SMIM35: variants seen among roughly 807,000 people sequenced by gnomAD.
SMIM35 encodes TMPRSS4 antisense RNA 1 (non-protein coding).
intron 1 of SMIM35, among the ~76,000 whole-genome samples, chr11:118,016,911 T>C (rs190769115): frequency 1.3e-5 from 2 of 152,332 alleles, no homozygotes; most frequent in Admixed American, 1.3e-4. Flanking sequence ...ATTTTTTAAG[T>C]ATTTCACAAT....
At chr11:118,066,216 C>T (rs1217157085) in intron 1 of SMIM35, among the ~76,000 whole-genome samples, 3 of 152,128 alleles carry the variant, frequency 2.0e-5, no homozygotes, top group South Asian at 2.1e-4. Context: ...CCCCCAGACA[C>T]CTGGAAATAC....
At position 118,019,361 on chromosome 11, in the gene SMIM35, G is replaced by A. The variant is rs188444875; in HGVS notation, c.8-3552C>T. 1.4e-4 allele frequency among the ~76,000 whole-genome samples: 21 copies of A among 152,278 alleles called. No individual in the cohort carries two copies. The East Asian group carries it at 3.5e-3, about 25-fold the overall frequency. ...TCTAGGATTGCCTGGCTTATTGCCT[G>A]GGTGAGTTCCCCGAGTTCCAGCACA... On this transcript the variant is annotated intron_variant, in intron 1 of 4. Coordinates refer to ENST00000689828, the MANE Select transcript of SMIM35 (RefSeq NM_001394165.1).
At chr11:118,065,404 G>A (rs1944457210) in intron 1 of SMIM35, among the ~76,000 whole-genome samples, 2 of 152,326 alleles carry the variant, frequency 1.3e-5, no homozygotes, top group South Asian at 4.1e-4. Flanking sequence ...ATAGGGCCTG[G>A]AGGCAGGGAA....
intron 1 of SMIM35, among the ~76,000 whole-genome samples, chr11:118,061,716 G>A (rs1294320840): frequency 6.6e-6 from 1 of 152,114 alleles, no homozygotes; most frequent in East Asian, 1.9e-4. Flanking sequence ...CGATTAGCTT[G>A]GATCTACGGG....
chr11:118,028,921 G>T, intron 1 of SMIM35: 1 of 381,324 alleles, frequency 2.6e-6, no homozygotes, highest in Admixed American at 3.1e-5. Flanking sequence ...GAGGAGGAGG[G>T]GAAAAATAAG....
At position 118,074,188 on chromosome 11, in the gene SMIM35, C is replaced by T. The variant is rs578169254; in HGVS notation, c.7+12563G>A. Among the ~76,000 whole-genome samples, 83 of 152,288 alleles carry T rather than the reference C, an allele frequency of 5.5e-4. 1 individual carries two copies. Among genetic ancestry groups the T allele is most frequent in the African/African-American group, 1.8e-3 (74 of 41,560 alleles). On this transcript the variant is annotated intron_variant, in intron 1 of 4. Coordinates refer to ENST00000689828, the MANE Select transcript of SMIM35 (RefSeq NM_001394165.1). The stretch of plus-strand genomic sequence containing the variant: ...CCTTTCCCAGGGCCCTGGAAGGAAC[C>T]GTGCAAGTGAGGGGCTCTGAAGCTT...
intron 1 of SMIM35, among the ~76,000 whole-genome samples, chr11:118,040,606 A>T (rs961974244): frequency 3.3e-5 from 5 of 152,224 alleles, no homozygotes; most frequent in Non-Finnish European, 7.3e-5. Flanking sequence ...GACATCCATC[A>T]GGCTAAAAGC....
chr11:118,009,864 G>A (rs2058141585), intron 4 of SMIM35, among the ~76,000 whole-genome samples: 1 of 152,130 alleles, frequency 6.6e-6, no homozygotes, highest in Non-Finnish European at 1.5e-5. Context: ...AGTAGCCCAT[G>A]ACCACACAGC....
At chr11:118,078,564 G>A (rs1944874011) in intron 1 of SMIM35, among the ~76,000 whole-genome samples, 1 of 152,142 alleles carries the variant, frequency 6.6e-6, no homozygotes, top group South Asian at 2.1e-4. Context: ...CCCATCCAAG[G>A]AGGCGCCCCA....
intron 1 of SMIM35, among the ~76,000 whole-genome samples, chr11:118,077,971 C>T (rs1237455247): frequency 7.7e-6 from 1 of 130,470 alleles, no homozygotes. Context: ...CAAGATTGTG[C>T]CATTGCACTC....
chr11:118,043,924 T>C (rs190246332), intron 1 of SMIM35, among the ~76,000 whole-genome samples: 49 of 151,762 alleles, frequency 3.2e-4, no homozygotes, highest in African/African-American at 1.2e-3. Flanking sequence ...ATGAAAATGT[T>C]CTAAAATTGA....
intron 1 of SMIM35, among the ~76,000 whole-genome samples, chr11:118,024,487 G>T (rs1483276296): frequency 6.6e-6 from 1 of 151,962 alleles, no homozygotes; most frequent in Non-Finnish European, 1.5e-5. Flanking sequence ...GTTTTGTTTT[G>T]TTTTTGGCAG....
intron 1 of SMIM35, among the ~76,000 whole-genome samples, chr11:118,061,294 T>G (rs1015340028): frequency 2.0e-5 from 3 of 152,250 alleles, no homozygotes; most frequent in African/African-American, 7.2e-5. Flanking sequence ...TGAGAGTGTT[T>G]CCCTGTAGGT....
intron 1 of SMIM35, among the ~76,000 whole-genome samples, chr11:118,046,904 G>A (rs1944106089): frequency 6.6e-6 from 1 of 152,174 alleles, no homozygotes; most frequent in South Asian, 2.1e-4. Context: ...GAGTCATACT[G>A]AACATACTTA....
intron 1 of SMIM35, among the ~76,000 whole-genome samples, chr11:118,071,522 C>A (rs1300463369): frequency 6.6e-6 from 1 of 152,204 alleles, no homozygotes; most frequent in Non-Finnish European, 1.5e-5. Flanking sequence ...CGCTGCATTC[C>A]AGAGCTGCTT....
At chr11:118,020,905 T>C (rs1386510205) in intron 1 of SMIM35, among the ~76,000 whole-genome samples, 1 of 152,214 alleles carries the variant, frequency 6.6e-6, no homozygotes, top group South Asian at 2.1e-4. Flanking sequence ...TAAGCATCAC[T>C]TTAGCTTCAT....
chr11:118,034,735 G>C (rs1591288664), intron 1 of SMIM35, among the ~76,000 whole-genome samples: 2 of 152,160 alleles, frequency 1.3e-5, no homozygotes. Flanking sequence ...TGTCCACAAT[G>C]TGAAGGGTGA....
chr11:118,066,474 G>T (rs1013053753), intron 1 of SMIM35, among the ~76,000 whole-genome samples: 10 of 152,056 alleles, frequency 6.6e-5, no homozygotes, highest in Non-Finnish European at 1.2e-4. Flanking sequence ...AACTCCTACT[G>T]GCTCCTTATT....
intron 1 of SMIM35, among the ~76,000 whole-genome samples, chr11:118,067,691 C>T (rs900837514): frequency 1.3e-5 from 2 of 150,718 alleles, no homozygotes; most frequent in African/African-American, 4.9e-5. Flanking sequence ...AAAAATTAGC[C>T]AGGTGTGGTG....
Sources: gnomAD v4.1 joint callset for allele counts (sites outside exome capture counted in the v4.1 genomes callset) on GRCh38, gnomAD v4.1.1 for gene constraint, MANE v1.5 for transcripts, NCBI Gene and HGNC (gene_info 2026-07-23, HGNC 2026-07-21) for gene names.